Variants in DPY19L3 observed in about 807,000 individuals in gnomAD.
DPY19L3 encodes the protein protein C-mannosyl-transferase DPY19L3.
In DPY19L3, 51 loss-of-function variants were observed where a neutral mutation model predicts 92.3. That is an observed-to-expected ratio of 0.55 (90% CI 0.44 to 0.70). The LOEUF is 0.70. DPY19L3 is among the 30% of genes least tolerant of loss of function. The pLI, the probability that DPY19L3 is intolerant of heterozygous loss-of-function variation, is 0.00. For missense variants in DPY19L3, 706 were observed against 855.9 expected (o/e 0.82, Z 2.18); for synonymous variants, 309 against 315.2 (o/e 0.98, Z 0.21).
chr19:32,462,620 G>A lies in DPY19L3; in HGVS notation c.1323-746G>A, dbSNP rs542757570. On this transcript the variant is annotated intron_variant, in intron 12 of 18. Transcript: ENST00000392250. ...GAGCCACACCTGGGAGACGGGAACA[G>A]CTTCAGGACATATGTTCTCTATTCT... is the stretch of plus-strand genomic sequence containing the variant. Among the ~76,000 whole-genome samples the A allele has an allele frequency of 1.8e-3, 272 of 152,230 alleles. 2 individuals carry two copies. The highest frequency in any genetic ancestry group is 5.8e-3 in the African/African-American group (243 of 41,546).
intron 3 of DPY19L3, among the ~76,000 whole-genome samples, chr19:32,416,978 G>C (rs562758504): frequency 3.5e-4 from 53 of 152,318 alleles, no homozygotes; most frequent in African/African-American, 1.2e-3. Context: ...CATCTCCTTA[G>C]CACAAATTAG....
In DPY19L3 at chr19:32,480,446, C is replaced by T. The variant is rs1185189743; in HGVS notation, c.1878C>T (p.Leu626=). ...AKRAPEEVHA[L]LRSFGTDYVI... is the part of the protein sequence containing the mutation. ...GGGCACCAGAGGAAGTGCATGCCCT[C>T]CTAAGGTCCTTCGGCACTGACTACG... The change falls in exon 18 of 19, where the codon CTC becomes CTT. Residue 626 remains leucine (L), a synonymous_variant. Coordinates refer to ENST00000392250, the MANE Select transcript of DPY19L3 (RefSeq NM_001172774.2). 1.2e-6 allele frequency: 2 copies of T among 1,614,184 alleles called. No homozygotes were observed. Among genetic ancestry groups the T allele is most frequent in the East Asian group, 2.2e-5 (1 of 44,870 alleles).
At chr19:32,444,927 A>G (rs1969437672) in intron 8 of DPY19L3, among the ~76,000 whole-genome samples, 1 of 151,710 alleles carries the variant, frequency 6.6e-6, no homozygotes, top group African/African-American at 2.4e-5. Flanking sequence ...TATAAATAAT[A>G]ATAATAATAA....
At chr19:32,445,838 T>G (rs1407892441) in intron 8 of DPY19L3, among the ~76,000 whole-genome samples, 2 of 152,036 alleles carry the variant, frequency 1.3e-5, no homozygotes, top group Non-Finnish European at 2.9e-5. Context: ...CCATCTCTAC[T>G]ACAAATACAA....
At chr19:32,421,402 G>A (rs1297601401) in intron 3 of DPY19L3, among the ~76,000 whole-genome samples, 1 of 152,200 alleles carries the variant, frequency 6.6e-6, no homozygotes, top group Admixed American at 6.5e-5. Context: ...CACTTTGGGA[G>A]GCCGAGGTGG....
chr19:32,444,203 C>T (rs903358403), intron 8 of DPY19L3, among the ~76,000 whole-genome samples: 1 of 151,688 alleles, frequency 6.6e-6, no homozygotes, highest in East Asian at 1.9e-4. Context: ...TGAGCAATTA[C>T]GAACACACTT....
At chr19:32,433,665 C>T (rs1048210646) in intron 4 of DPY19L3, among the ~76,000 whole-genome samples, 2 of 152,182 alleles carry the variant, frequency 1.3e-5, no homozygotes, top group African/African-American at 4.8e-5. Flanking sequence ...TCAAGTGATC[C>T]TCCTGCCTCA....
At chr19:32,436,594 A>G in intron 5 of DPY19L3, 27 bp downstream of exon 5, 1 of 1,425,898 alleles carries the variant, frequency 7.0e-7, no homozygotes, top group Non-Finnish European at 9.3e-7. Flanking sequence ...TGAATTATTA[A>G]TATCAGATGA....
Position 32,468,890 on chromosome 19 carries a change from G to T in DPY19L3, c.1697+77G>T, listed in dbSNP as rs1282243379. 8.6e-6 allele frequency: 12 copies of T among 1,399,532 alleles called. No homozygotes were observed. In the South Asian group the frequency reaches 1.2e-4, roughly 14 times the overall value. 86.7% of individuals were successfully genotyped at this position (1,399,532 alleles called of 1,614,324 possible). A position where few individuals can be genotyped will look rare whatever the true frequency, so the allele number is the denominator to read the frequency against. Reference sequence around the variant, plus strand: ...CTATAGACCACATTTCGTTTTGGGGGTTTTTTGTTTGTTTCTGAATCTAAT... The same window carrying T: ...CTATAGACCACATTTCGTTTTGGGGTTTTTTTGTTTGTTTCTGAATCTAAT... On this transcript the variant is annotated intron_variant, in intron 16 of 18. Coordinates refer to ENST00000392250, the MANE Select transcript of DPY19L3 (RefSeq NM_001172774.2).
intron 3 of DPY19L3, among the ~76,000 whole-genome samples, chr19:32,423,273 C>G (rs889658695): frequency 3.3e-5 from 5 of 152,082 alleles, no homozygotes; most frequent in African/African-American, 1.2e-4. Context: ...AGAGCTCGCT[C>G]TGTCGCCTAG....
intron 15 of DPY19L3, among the ~76,000 whole-genome samples, chr19:32,465,570 C>A (rs1319392034): frequency 6.6e-6 from 1 of 151,744 alleles, no homozygotes; most frequent in Non-Finnish European, 1.5e-5. Context: ...TGTGTAGAAC[C>A]CCTGATTTGG....
At chr19:32,415,562 C>T (rs546062060) in intron 3 of DPY19L3, among the ~76,000 whole-genome samples, 107 of 152,198 alleles carry the variant, frequency 7.0e-4, no homozygotes, top group African/African-American at 2.4e-3. Context: ...AGTAGTGAAC[C>T]CTATTTTTAG....
chr19:32,449,435 A>G (rs996704488), intron 8 of DPY19L3, among the ~76,000 whole-genome samples: 2 of 152,180 alleles, frequency 1.3e-5, no homozygotes, highest in African/African-American at 4.8e-5. Context: ...TGAAATTCAT[A>G]TGGAAACTCA....
chr19:32,456,254 T>C (rs1165883653), intron 10 of DPY19L3, among the ~76,000 whole-genome samples: 1 of 151,976 alleles, frequency 6.6e-6, no homozygotes, highest in Non-Finnish European at 1.5e-5. Flanking sequence ...TTTGTATTTT[T>C]TGTAGAGACA....
chr19:32,411,151 C>T (rs1968166222), intron 2 of DPY19L3, 88 bp from the exon 3 acceptor site: 15 of 1,405,640 alleles, frequency 1.1e-5, no homozygotes, highest in Middle Eastern at 2.6e-4. Flanking sequence ...GGCAGCTAGA[C>T]TTAGCTTACT....
intron 8 of DPY19L3, among the ~76,000 whole-genome samples, chr19:32,443,872 AT>A (rs1158848865): frequency 6.6e-6 from 1 of 152,062 alleles, no homozygotes; most frequent in Admixed American, 6.6e-5. Flanking sequence ...CCCGGGCAAC[AT>A]GGTGAAACCC....
chr19:32,457,651 TTGAG>T (rs2145576774), intron 10 of DPY19L3, among the ~76,000 whole-genome samples: 1 of 152,332 alleles, frequency 6.6e-6, no homozygotes, highest in African/African-American at 2.4e-5. Flanking sequence ...TGAATTGTCT[TTGAG>T]TGAATAAGTC....
At chr19:32,434,195 G>A (rs1008161985) in intron 4 of DPY19L3, among the ~76,000 whole-genome samples, 1 of 151,958 alleles carries the variant, frequency 6.6e-6, no homozygotes, top group Non-Finnish European at 1.5e-5. Context: ...TCATGGACAC[G>A]TCCAGAGCAA....
At chr19:32,448,908 C>G (rs1261644427) in intron 8 of DPY19L3, among the ~76,000 whole-genome samples, 1 of 152,130 alleles carries the variant, frequency 6.6e-6, no homozygotes, top group African/African-American at 2.4e-5. Flanking sequence ...TTTGGCTGTT[C>G]ATCAGCAATT....
Sources: allele counts gnomAD v4.1 joint callset (sites outside exome capture counted in the v4.1 genomes callset), GRCh38; gene constraint gnomAD v4.1.1; transcripts MANE v1.5; gene names NCBI Gene and HGNC (gene_info 2026-07-23, HGNC 2026-07-21).